The following ELF1 variants were observed in gnomAD, a reference collection of about 807,000 sequenced individuals.
ELF1 encodes ETS-related transcription factor Elf-1.
Under a neutral mutation model 59.9 loss-of-function variants are expected in ELF1, and 24 were observed. The ratio of observed to expected loss-of-function variants is 0.40; its 90% CI spans 0.29 to 0.56. ELF1 has a LOEUF of 0.56. ELF1 is among the 20% of genes least tolerant of loss of function. The pLI is 0.44. For missense variants in ELF1, 627 were observed against 742.2 expected (o/e 0.84, Z 1.80); for synonymous variants, 248 against 266.2 (o/e 0.93, Z 0.67).
chr13:41,045,890 A>T (rs1876822961), intron 1 of ELF1, among the ~76,000 whole-genome samples: 1 of 152,174 alleles, frequency 6.6e-6, no homozygotes, highest in African/African-American at 2.4e-5. Flanking sequence ...GGGGTGCTAA[A>T]GTCTCCCATT....
intron 1 of ELF1, among the ~76,000 whole-genome samples, chr13:41,024,564 G>A (rs959417497): frequency 3.2e-4 from 48 of 151,912 alleles, no homozygotes; most frequent in African/African-American, 1.1e-3. Flanking sequence ...TTTTGTAGAG[G>A]CAGGGTTTTG....
rs997276964 is a variant in ELF1, at chr13:40,981,740, A to G, written c.72+243T>C. Among the ~76,000 whole-genome samples the G allele has an allele frequency of 3.9e-5, 6 of 152,160 alleles. No homozygotes were observed. The East Asian group carries it at 1.2e-3, about 29-fold the overall frequency. On this transcript the variant is annotated intron_variant, in intron 2 of 8. Transcript: ENST00000239882. The stretch of plus-strand genomic sequence containing the variant: ...TAGTGTTAAGTCTCATTTTACAAAA[A>G]AACAAGCTGAATCCCAAAGGTATTA...
intron 1 of ELF1, among the ~76,000 whole-genome samples, chr13:41,034,804 A>C (rs944929594): frequency 6.6e-6 from 1 of 151,574 alleles, no homozygotes; most frequent in African/African-American, 2.4e-5. Flanking sequence ...AAAAAAAAAA[A>C]AAAAACCTTC....
chr13:40,993,226 C>T (rs1873956655), intron 1 of ELF1: 5 of 1,570,022 alleles, frequency 3.2e-6, no homozygotes, highest in Non-Finnish European at 4.4e-6. Context: ...GGAGCAGCTG[C>T]AACAACAGCA....
At chr13:41,010,283 A>G (rs1276223632) in intron 1 of ELF1, among the ~76,000 whole-genome samples, 2 of 151,452 alleles carry the variant, frequency 1.3e-5, no homozygotes, top group African/African-American at 4.8e-5. Context: ...AGAAAGGAAA[A>G]AAAAAAAAAA....
intron 8 of ELF1, among the ~76,000 whole-genome samples, chr13:40,936,211 G>A (rs966868435): frequency 4.6e-5 from 7 of 152,148 alleles, no homozygotes; most frequent in African/African-American, 1.7e-4. Context: ...CCGATGTGCC[G>A]CCTTACCATT....
At chr13:40,991,863 T>C (rs1317686702) in intron 1 of ELF1, among the ~76,000 whole-genome samples, 1 of 152,194 alleles carries the variant, frequency 6.6e-6, no homozygotes, top group Non-Finnish European at 1.5e-5. Context: ...GAAAGAAACA[T>C]TTCTATAGAT....
At chr13:41,016,956 A>G (rs1824246405) in intron 1 of ELF1, among the ~76,000 whole-genome samples, 1 of 112,424 alleles carries the variant, frequency 8.9e-6, no homozygotes, top group African/African-American at 3.6e-5. Flanking sequence ...AAATATATAT[A>G]TATATATATA....
rs746089652 is a variant in ELF1 at position 40,943,903 on chromosome 13, T to C, written c.552A>G (p.Arg184=). 2.5e-6 allele frequency: 4 copies of C among 1,613,822 alleles called. No homozygotes were observed. Among genetic ancestry groups the C allele is most frequent in the Non-Finnish European group, 3.4e-6 (4 of 1,179,822 alleles). ...RKKGRKTKPP[R]PDSPATTPNI... The stretch of plus-strand genomic sequence containing the variant: ...TTGGCGTAGTGGCTGGGGAATCTGG[T>C]CGTGGTGGTTTAGTTTTTCTTCCTG... Residue 184 remains arginine, a synonymous_variant, in exon 6 of 9, where the codon CGA becomes CGG. Coordinates refer to ENST00000239882, the MANE Select transcript of ELF1 (RefSeq NM_172373.4).
intron 1 of ELF1, among the ~76,000 whole-genome samples, chr13:40,995,743 A>G (rs903410526): frequency 1.3e-5 from 2 of 152,108 alleles, no homozygotes; most frequent in Non-Finnish European, 2.9e-5. Context: ...ACCTAAATGG[A>G]AAATAGGAAA....
chr13:40,980,108 A>T (rs1189720563), intron 2 of ELF1, among the ~76,000 whole-genome samples: 1 of 152,182 alleles, frequency 6.6e-6, no homozygotes, highest in African/African-American at 2.4e-5. Flanking sequence ...AGTTGTAAAC[A>T]TTTTGATGCT....
intron 1 of ELF1, among the ~76,000 whole-genome samples, chr13:41,010,985 C>T (rs533901515): frequency 1.9e-4 from 29 of 152,270 alleles, no homozygotes; most frequent in African/African-American, 6.3e-4. Flanking sequence ...ATTTTGAAAG[C>T]TTTACCTGAA....
intron 1 of ELF1, among the ~76,000 whole-genome samples, chr13:41,008,716 T>C (rs956668298): frequency 6.6e-6 from 1 of 152,212 alleles, no homozygotes; most frequent in African/African-American, 2.4e-5. Flanking sequence ...AGCTTTGGTG[T>C]AGTATCAAAG....
chr13:40,997,836 C>T (rs1163123757), intron 1 of ELF1, among the ~76,000 whole-genome samples: 2 of 152,128 alleles, frequency 1.3e-5, no homozygotes, highest in African/African-American at 2.4e-5. Context: ...ATCTAAGCTT[C>T]TAAACTCAAA....
intron 1 of ELF1, among the ~76,000 whole-genome samples, chr13:41,036,960 G>T (rs907534485): frequency 4.1e-4 from 62 of 151,964 alleles, no homozygotes; most frequent in Middle Eastern, 3.4e-3. Flanking sequence ...GTTGTGGGGT[G>T]GGGGGAGTGG....
chr13:40,941,395 A>C (rs1405988449), intron 7 of ELF1, 25 bp from the exon 8 acceptor site: 1 of 1,524,840 alleles, frequency 6.6e-7, no homozygotes, highest in Admixed American at 2.2e-5. Flanking sequence ...CAATTTCATC[A>C]ATCAATCAAA....
At chr13:40,944,833 T>A (rs960367073) in intron 5 of ELF1, among the ~76,000 whole-genome samples, 1 of 151,700 alleles carries the variant, frequency 6.6e-6, no homozygotes, top group Non-Finnish European at 1.5e-5. Context: ...CAGGTAAATA[T>A]AACACAGGGC....
Position 40,933,401 on chromosome 13 carries a change from T to C in ELF1, c.*24A>G. 2 of 1,585,222 alleles carry C rather than the reference T, an allele frequency of 1.3e-6. No individual in the cohort carries two copies. Among genetic ancestry groups the C allele is most frequent in the South Asian group, 2.3e-5 (2 of 86,462 alleles). On this transcript the variant is annotated 3_prime_UTR_variant, in exon 9 of 9. Transcript: ENST00000239882. ...TGAAAATGTTCAATTAACAAACAAT[T>C]ATTCATAAGCTTTGGTATATTAACT...
intron 1 of ELF1, among the ~76,000 whole-genome samples, chr13:41,024,619 C>T (rs1293647514): frequency 2.6e-5 from 4 of 152,096 alleles, no homozygotes; most frequent in East Asian, 3.8e-4. Flanking sequence ...TCAAGCGATC[C>T]GCCTGCCTCG....
Sources: gnomAD v4.1 joint callset for allele counts (sites outside exome capture counted in the v4.1 genomes callset) on GRCh38, gnomAD v4.1.1 for gene constraint, MANE v1.5 for transcripts, NCBI Gene and HGNC (gene_info 2026-07-23, HGNC 2026-07-21) for gene names.